The following LRP2 variants were observed in gnomAD, a reference collection of about 807,000 sequenced individuals.
LRP2 encodes the protein low-density lipoprotein receptor-related protein 2.
Under a neutral mutation model 531.0 loss-of-function variants are expected in LRP2, and 172 were observed. The observed-to-expected ratio is 0.32, with a 90% CI of 0.29 to 0.37. The LOEUF is 0.37. Among genes scored for constraint, LRP2 ranks in the 10% least tolerant of loss-of-function variants. The pLI, the probability that LRP2 is intolerant of heterozygous loss-of-function variation, is 1.00. For synonymous variants in LRP2, 1,992 were observed against 2,027.6 expected (o/e 0.98, Z 0.47); for missense variants, 5,167 against 5,868.3 (o/e 0.88, Z 3.90).
At chr2:169,288,419 G>A (rs1292521891) in intron 9 of LRP2, among the ~76,000 whole-genome samples, 1 of 152,186 alleles carries the variant, frequency 6.6e-6, no homozygotes, top group East Asian at 1.9e-4. Flanking sequence ...CCATCTGGAA[G>A]CACCATGATA....
chr2:169,188,031 C>T lies in LRP2; in HGVS notation c.9267G>A (p.Glu3089=). 1 of 1,614,138 alleles carries T rather than the reference C, an allele frequency of 6.2e-7. No individual in the cohort carries two copies. The highest frequency in any genetic ancestry group is 8.5e-7 in the Non-Finnish European group (1 of 1,180,024). The stretch of plus-strand genomic sequence containing the variant: ...CTAGGTGGTTGCAGAGTTTCATCAT[C>T]TCGATGCAGCGCCCATTGTCACACT... The part of the protein sequence containing the change: ...EFKCDNGRCI[E]MMKLCNHLDD... Residue 3089 remains glutamate (E), a synonymous_variant, in exon 49 of 79, where the codon GAG becomes GAA. Coordinates refer to ENST00000649046, the MANE Select transcript of LRP2 (RefSeq NM_004525.3).
At chr2:169,212,627 G>C (rs1309414985) in intron 36 of LRP2, among the ~76,000 whole-genome samples, 4 of 152,064 alleles carry the variant, frequency 2.6e-5, no homozygotes, top group Non-Finnish European at 5.9e-5. Context: ...CCAGTGACTT[G>C]GAAGAAACTG....
intron 42 of LRP2, 35 bp downstream of exon 42, chr2:169,203,947 T>C: frequency 1.9e-6 from 3 of 1,609,792 alleles, no homozygotes; most frequent in Non-Finnish European, 2.6e-6. Flanking sequence ...TGATCATTAT[T>C]CTCCATGTTC....
intron 58 of LRP2, 67 bp from the exon 59 acceptor site, chr2:169,170,734 C>G: frequency 8.8e-7 from 1 of 1,130,784 alleles, no homozygotes; most frequent in Non-Finnish European, 1.4e-6. Flanking sequence ...ATCTTGTGAG[C>G]TGACCATAGT....
At position 169,272,639 on chromosome 2, in the gene LRP2, A is replaced by G. The variant is rs76473269; in HGVS notation, c.2116+288T>C. Among the ~76,000 whole-genome samples, 5 of 152,290 alleles carry G rather than the reference A, an allele frequency of 3.3e-5. No individual in the cohort carries two copies. In the East Asian group the frequency reaches 9.7e-4, roughly 29 times the overall value. On this transcript the variant is annotated intron_variant, in intron 15 of 78. Transcript: ENST00000649046. ...ATTTCAAGATCATAGTTAATAGGAG[A>G]AAAAGGCTTCAGGAAACAAAGGGGG... is the stretch of plus-strand genomic sequence containing the variant.
Position 169,355,686 on chromosome 2 carries a change from C to T in LRP2, c.79+6635G>A, listed in dbSNP as rs550268901. Among the ~76,000 whole-genome samples, 98 of 152,280 alleles carry T rather than the reference C, an allele frequency of 6.4e-4. 2 individuals carry two copies. Among genetic ancestry groups the T allele is most frequent in the African/African-American group, 2.2e-3 (91 of 41,536 alleles). ...AGGTGGCTCCAGAGCCACTGACAGCCGCTTTACATCAAAGGAGAACATGTT... is the reference window on the plus strand; with the variant it reads ...AGGTGGCTCCAGAGCCACTGACAGCTGCTTTACATCAAAGGAGAACATGTT... On this transcript the variant is annotated intron_variant, in intron 1 of 78. Coordinates refer to ENST00000649046, the MANE Select transcript of LRP2 (RefSeq NM_004525.3).
At chr2:169,333,705 A>C (rs1685326769) in intron 1 of LRP2, among the ~76,000 whole-genome samples, 1 of 152,120 alleles carries the variant, frequency 6.6e-6, no homozygotes, top group African/African-American at 2.4e-5. Context: ...ATTTGCAAAT[A>C]CTCTCATGGT....
intron 76 of LRP2, among the ~76,000 whole-genome samples, chr2:169,135,138 A>G (rs1685451583): frequency 6.6e-6 from 1 of 152,172 alleles, no homozygotes; most frequent in Non-Finnish European, 1.5e-5. Context: ...GTTACAAGCC[A>G]CTAGCCAGTC....
chr2:169,209,563 G>T lies in LRP2; in HGVS notation c.6359C>A (p.Ser2120Tyr). 6.2e-7 allele frequency: 1 copy of T among 1,614,142 alleles called. No individual in the cohort carries two copies. The highest frequency in any genetic ancestry group is 1.1e-5 in the South Asian group (1 of 91,082). ...YWCDFSSSVA[S>Y]DNAIRRIKPD... Reference sequence around the variant, plus strand: ...TTTAATTCTACGGATCGCATTATCAGATGCCACTGAGCTGCTAAAATCACA... The same window carrying T: ...TTTAATTCTACGGATCGCATTATCATATGCCACTGAGCTGCTAAAATCACA... The change falls in exon 38 of 79, where the codon TCT becomes TAT. Residue 2120 changes from serine to tyrosine, a missense_variant. Around this residue, in one of 6 missense-constraint regions of LRP2, gnomAD observed 2,811 missense variants for 3,058.0 expected, o/e 0.92. Transcript: ENST00000649046.
At chr2:169,169,655 T>C in intron 60 of LRP2, 47 bp downstream of exon 60, 1 of 1,421,840 alleles carries the variant, frequency 7.0e-7, no homozygotes, top group Middle Eastern at 1.8e-4. Context: ...AACTATCATA[T>C]CCATGCTCTC....
rs550335224 is a variant in LRP2 at position 169,355,634 on chromosome 2, C to T, written c.79+6687G>A. ...AATAGCTAAGATAAAAACTCTTTTT[C>T]TTTCCCAGTGGATGTGATCTGATAG... On this transcript the variant is annotated intron_variant, in intron 1 of 78. Coordinates refer to ENST00000649046, the MANE Select transcript of LRP2 (RefSeq NM_004525.3). Among the ~76,000 whole-genome samples the T allele has an allele frequency of 5.4e-4, 82 of 152,302 alleles. 1 individual carries two copies. The South Asian group carries it at 7.5e-3, about 14-fold the overall frequency.
intron 61 of LRP2, among the ~76,000 whole-genome samples, chr2:169,168,188 C>G (rs1289275585): frequency 1.3e-5 from 2 of 151,106 alleles, no homozygotes; most frequent in African/African-American, 4.9e-5. Context: ...TCAGGGGCAC[C>G]CAAAGTAGGA....
rs201846229 is a variant in LRP2, at chr2:169,203,900, CT to C, written c.8005+81del. The C allele has an allele frequency of 1.5e-3, 2,132 of 1,468,622 alleles. 22 individuals are homozygous for C. The African/African-American group carries it at 0.027, about 18-fold the overall frequency. 91.0% of individuals were successfully genotyped at this position (1,468,622 alleles called of 1,614,324 possible). A position where few individuals can be genotyped will look rare whatever the true frequency, so the allele number is the denominator to read the frequency against. ...TCAAGGAGAATTTGAATTTTTTCTC[CT>C]GTGAGAACTTCAGCTTTCCTTACCA... On this transcript the variant is annotated intron_variant, in intron 42 of 78. Coordinates refer to ENST00000649046, the MANE Select transcript of LRP2 (RefSeq NM_004525.3).
At chr2:169,213,266 T>A (rs1359694037) in intron 36 of LRP2, among the ~76,000 whole-genome samples, 3 of 152,178 alleles carry the variant, frequency 2.0e-5, no homozygotes, top group African/African-American at 7.2e-5. Flanking sequence ...ACCTTTTATG[T>A]GCCAAGCACT....
chr2:169,282,600 T>C (rs1242993697), intron 10 of LRP2, among the ~76,000 whole-genome samples: 1 of 152,220 alleles, frequency 6.6e-6, no homozygotes, highest in East Asian at 1.9e-4. Flanking sequence ...CAATTAAAGG[T>C]GGGTGACATG....
chr2:169,158,860 A>C (rs1229695510), intron 63 of LRP2, among the ~76,000 whole-genome samples: 2 of 151,866 alleles, frequency 1.3e-5, no homozygotes, highest in Non-Finnish European at 2.9e-5. Context: ...AAAAAAACAA[A>C]AAAAACACAG....
At chr2:169,162,434 G>C (rs1021765838) in intron 63 of LRP2, 38 bp downstream of exon 63, 32 of 1,611,710 alleles carry the variant, frequency 2.0e-5, no homozygotes, top group Non-Finnish European at 2.6e-5. Context: ...GTAAACCTGA[G>C]TTACTACAAT....
chr2:169,160,013 A>G (rs1156765748), intron 63 of LRP2, among the ~76,000 whole-genome samples: 2 of 152,172 alleles, frequency 1.3e-5, no homozygotes, highest in Middle Eastern at 3.2e-3. Context: ...GAAAATGATC[A>G]CCATTTTAAC....
intron 50 of LRP2, chr2:169,182,711 T>A: frequency 3.1e-5 from 23 of 734,642 alleles, no homozygotes; most frequent in Non-Finnish European, 3.8e-5. Flanking sequence ...AACACACTTG[T>A]CTAAGTGTGT....
Sources: gnomAD v4.1 joint callset for allele counts (sites outside exome capture counted in the v4.1 genomes callset) on GRCh38, gnomAD v4.1.1 for gene constraint, gnomAD v4.1.1 regional missense constraint, MANE v1.5 for transcripts, NCBI Gene and HGNC (gene_info 2026-07-23, HGNC 2026-07-21) for gene names.